MGLL: variants seen among roughly 807,000 people sequenced by gnomAD.
MGLL encodes lysophospholipase homolog.
MGLL carries 7 observed loss-of-function variants against 29.1 expected under a neutral mutation model. The observed-to-expected ratio is 0.24, with a 90% CI of 0.14 to 0.45. The LOEUF (loss-of-function observed/expected upper bound fraction) is 0.45. Among genes scored for constraint, MGLL ranks in the 20% least tolerant of loss-of-function variants. The pLI, the probability that MGLL is intolerant of heterozygous loss-of-function variation, is 0.99. For synonymous variants in MGLL, 148 were observed against 168.3 expected (o/e 0.88, Z 0.93); for missense variants, 356 against 413.6 (o/e 0.86, Z 1.21).
At chr3:127,707,662 G>GACT (rs1267564690) in intron 6 of MGLL, among the ~76,000 whole-genome samples, 3 of 152,354 alleles carry the variant, frequency 2.0e-5, no homozygotes, top group African/African-American at 7.2e-5. Flanking sequence ...TAATAAGACT[G>GACT]ACTTCCTGGG....
chr3:127,738,014 C>T (rs2076274338), intron 3 of MGLL, among the ~76,000 whole-genome samples: 1 of 151,980 alleles, frequency 6.6e-6, no homozygotes, highest in Non-Finnish European at 1.5e-5. Context: ...AAGAAGTGCT[C>T]GTGTGGCTAG....
chr3:127,779,780 T>C (rs2077092859), intron 3 of MGLL, among the ~76,000 whole-genome samples: 1 of 152,168 alleles, frequency 6.6e-6, no homozygotes, highest in Non-Finnish European at 1.5e-5. Context: ...TCCTTCCTTC[T>C]TCACTTACTA....
chr3:127,692,067 T>G lies in MGLL; in HGVS notation c.*131A>C. On this transcript the variant is annotated 3_prime_UTR_variant, in exon 8 of 8. Coordinates refer to ENST00000265052, the MANE Select transcript of MGLL (RefSeq NM_007283.7). The stretch of plus-strand genomic sequence containing the variant: ...AAAATGTCTGTTATTTTTTAGAAAA[T>G]TGTGCTAAGGATTTCTCCAATTTCT... 1 of 1,278,638 alleles carries G rather than the reference T, an allele frequency of 7.8e-7. No individual in the cohort carries two copies. Among genetic ancestry groups the G allele is most frequent in the Non-Finnish European group, 1.1e-6 (1 of 930,490 alleles). The allele number at this position is 1,278,638 out of a possible 1,614,324, so 79.2% of individuals were successfully genotyped here.
At chr3:127,817,437 A>G (rs1487542949) in intron 2 of MGLL, among the ~76,000 whole-genome samples, 2 of 152,232 alleles carry the variant, frequency 1.3e-5, no homozygotes, top group Non-Finnish European at 2.9e-5. Flanking sequence ...GCTGCCAGGA[A>G]GGCCAAGTGG....
intron 2 of MGLL, among the ~76,000 whole-genome samples, chr3:127,783,502 G>C (rs1287576191): frequency 6.6e-6 from 1 of 152,204 alleles, no homozygotes; most frequent in Non-Finnish European, 1.5e-5. Context: ...CGAGCAACAT[G>C]AACAGGGGCC....
intron 4 of MGLL, among the ~76,000 whole-genome samples, chr3:127,721,516 T>TTTG (rs1559922311): frequency 1.3e-5 from 2 of 149,924 alleles, no homozygotes; most frequent in African/African-American, 2.5e-5. Flanking sequence ...GGTTTTTTTT[T>TTTG]TTTTTTTTTT....
At chr3:127,756,162 AG>A (rs1333912311) in intron 3 of MGLL, among the ~76,000 whole-genome samples, 11 of 152,236 alleles carry the variant, frequency 7.2e-5, no homozygotes, top group Non-Finnish European at 1.2e-4. Context: ...AGGTGCTCTA[AG>A]GGTTGGGGAG....
At chr3:127,811,090 C>A (rs1275681706) in intron 2 of MGLL, among the ~76,000 whole-genome samples, 1 of 149,084 alleles carries the variant, frequency 6.7e-6, no homozygotes, top group Non-Finnish European at 1.5e-5. Flanking sequence ...CTTTCCTGCA[C>A]AAAAGGTTAA....
chr3:127,763,591 T>G (rs1274460941), intron 3 of MGLL, among the ~76,000 whole-genome samples: 1 of 152,150 alleles, frequency 6.6e-6, no homozygotes, highest in South Asian at 2.1e-4. Context: ...TGGGGACATC[T>G]CCCTGGAGCC....
intron 3 of MGLL, among the ~76,000 whole-genome samples, chr3:127,728,220 T>C (rs1045729103): frequency 6.6e-6 from 1 of 152,232 alleles, no homozygotes; most frequent in Non-Finnish European, 1.5e-5. Context: ...ATCTCCCCGC[T>C]CGTTCCCTAG....
intron 5 of MGLL, chr3:127,711,171 G>A (rs1171986064): frequency 1.0e-5 from 2 of 194,860 alleles, no homozygotes; most frequent in Admixed American, 1.0e-4. Flanking sequence ...GCTCGATGAG[G>A]AGGCTGTGTG....
intron 5 of MGLL, among the ~76,000 whole-genome samples, chr3:127,718,834 A>G (rs1375713612): frequency 7.1e-6 from 1 of 140,744 alleles, no homozygotes; most frequent in Non-Finnish European, 1.6e-5. Flanking sequence ...TTATTCTTAA[A>G]ACTTTTAAAT....
chr3:127,795,543 T>A (rs1044863854), intron 2 of MGLL, among the ~76,000 whole-genome samples: 6 of 152,114 alleles, frequency 3.9e-5, no homozygotes, highest in Non-Finnish European at 8.8e-5. Flanking sequence ...CCTCTGAATC[T>A]AAATAAAAGT....
intron 3 of MGLL, among the ~76,000 whole-genome samples, chr3:127,773,471 A>G (rs1206520244): frequency 6.6e-6 from 1 of 152,256 alleles, no homozygotes; most frequent in Admixed American, 6.5e-5. Context: ...CTGGGTGCTC[A>G]GTACTTGTGT....
At chr3:127,780,206 A>C (rs962783329) in intron 3 of MGLL, among the ~76,000 whole-genome samples, 1 of 152,256 alleles carries the variant, frequency 6.6e-6, no homozygotes, top group Non-Finnish European at 1.5e-5. Flanking sequence ...TAAACAAGGA[A>C]CAACATTTAC....
intron 2 of MGLL, among the ~76,000 whole-genome samples, chr3:127,812,844 C>T (rs924498803): frequency 3.3e-5 from 5 of 152,122 alleles, no homozygotes; most frequent in Non-Finnish European, 7.3e-5. Flanking sequence ...CTCTGGAGGC[C>T]CATACCTGGC....
intron 2 of MGLL, among the ~76,000 whole-genome samples, chr3:127,816,053 G>T (rs1191140200): frequency 6.6e-6 from 1 of 152,242 alleles, no homozygotes; most frequent in East Asian, 1.9e-4. Flanking sequence ...CCTCACCCCT[G>T]CAGAGACTGA....
chr3:127,745,116 G>A (rs917825567), intron 3 of MGLL, among the ~76,000 whole-genome samples: 1 of 152,192 alleles, frequency 6.6e-6, no homozygotes, highest in East Asian at 1.9e-4. Flanking sequence ...CGTCTCCACC[G>A]CTATGATCCT....
chr3:127,762,431 G>C (rs991028577), intron 3 of MGLL, among the ~76,000 whole-genome samples: 1 of 152,150 alleles, frequency 6.6e-6, no homozygotes, highest in Admixed American at 6.5e-5. Flanking sequence ...GTGTCAAAGC[G>C]AAGCCAGCCC....
Sources: gnomAD v4.1 joint callset for allele counts (sites outside exome capture counted in the v4.1 genomes callset) on GRCh38, gnomAD v4.1.1 for gene constraint, MANE v1.5 for transcripts, NCBI Gene and HGNC (gene_info 2026-07-23, HGNC 2026-07-21) for gene names.